DPYD: variants seen among roughly 807,000 people sequenced by gnomAD.
DPYD encodes the protein dihydropyrimidine dehydrogenase [NADP(+)].
A neutral mutation model predicts 116.2 loss-of-function variants in DPYD; 109 were observed. The ratio of observed to expected loss-of-function variants is 0.94; its 90% CI spans 0.80 to 1.10. DPYD has a LOEUF of 1.10. DPYD is among the 50% of genes least tolerant of loss of function. The pLI, the probability that DPYD is intolerant of heterozygous loss-of-function variation, is 0.00. For synonymous variants in DPYD, 440 were observed against 432.0 expected, an observed-to-expected ratio of 1.02 and a Z score of -0.23; for missense variants, 1,302 against 1,254.5, an observed-to-expected ratio of 1.04 and a Z score of -0.57.
chr1:97,173,175 T>C (rs1410370727), intron 20 of DPYD, among the ~76,000 whole-genome samples: 1 of 151,262 alleles, frequency 6.6e-6, no homozygotes, highest in African/African-American at 2.4e-5. Context: ...TATGTACACA[T>C]GTATACATAT....
chr1:97,838,585 C>G (rs1669885780), intron 2 of DPYD, among the ~76,000 whole-genome samples: 1 of 152,150 alleles, frequency 6.6e-6, no homozygotes, highest in Non-Finnish European at 1.5e-5. Flanking sequence ...GTGGCTCACG[C>G]CTGTAATCCC....
At chr1:97,432,656 A>AT (rs1557707899) in intron 14 of DPYD, among the ~76,000 whole-genome samples, 2 of 151,816 alleles carry the variant, frequency 1.3e-5, no homozygotes, top group African/African-American at 2.4e-5. Flanking sequence ...ATGTCTTATA[A>AT]TTTTTTATTG....
At chr1:97,361,631 C>G (rs1379641561) in intron 16 of DPYD, among the ~76,000 whole-genome samples, 2 of 152,168 alleles carry the variant, frequency 1.3e-5, no homozygotes, top group Admixed American at 1.3e-4. Flanking sequence ...TCATCCCTGG[C>G]ATGCCAGCCT....
intron 2 of DPYD, among the ~76,000 whole-genome samples, chr1:97,839,038 C>T (rs964699818): frequency 2.9e-4 from 44 of 152,094 alleles, no homozygotes; most frequent in Non-Finnish European, 5.3e-4. Flanking sequence ...AGCCTTAAAT[C>T]AGACTTCCTT....
chr1:97,576,924 G>A (rs980389365), intron 10 of DPYD, among the ~76,000 whole-genome samples: 1 of 152,056 alleles, frequency 6.6e-6, no homozygotes, highest in Non-Finnish European at 1.5e-5. Flanking sequence ...TATTTAGCTC[G>A]ATAGCTAGAT....
chr1:97,917,807 A>G (rs1674293390), intron 1 of DPYD, among the ~76,000 whole-genome samples: 2 of 152,222 alleles, frequency 1.3e-5, no homozygotes, highest in South Asian at 2.1e-4. Flanking sequence ...TTAGATATAT[A>G]TACTTTCAAA....
chr1:97,393,460 C>T (rs7536770), intron 14 of DPYD, among the ~76,000 whole-genome samples: 6,519 of 151,396 alleles, frequency 0.043, 241 homozygotes, highest in East Asian at 0.17. Flanking sequence ...CACCCCACAA[C>T]AGGCCCCGGT....
chr1:97,860,168 C>A (rs931273108), intron 2 of DPYD, among the ~76,000 whole-genome samples: 1 of 151,930 alleles, frequency 6.6e-6, no homozygotes, highest in Non-Finnish European at 1.5e-5. Context: ...CATAACGAAA[C>A]CCTGTCTCTA....
At chr1:97,539,257 A>T (rs997619519) in intron 12 of DPYD, among the ~76,000 whole-genome samples, 31 of 151,792 alleles carry the variant, frequency 2.0e-4, no homozygotes, top group African/African-American at 7.0e-4. Context: ...ATGTACTCAA[A>T]TTTTTTTTAA....
chr1:97,769,501 C>T (rs997456501), intron 3 of DPYD, among the ~76,000 whole-genome samples: 2 of 151,490 alleles, frequency 1.3e-5, no homozygotes, highest in Admixed American at 6.6e-5. Flanking sequence ...GGTTAAAACA[C>T]TCTGTTTTTT....
intron 13 of DPYD, among the ~76,000 whole-genome samples, chr1:97,512,102 C>CA (rs1386918858): frequency 1.3e-5 from 2 of 151,652 alleles, no homozygotes; most frequent in Admixed American, 6.6e-5. Context: ...ATGCTCTTGC[C>CA]AAAAAAATCT....
intron 3 of DPYD, among the ~76,000 whole-genome samples, chr1:97,741,227 A>G (rs1255076585): frequency 6.6e-6 from 1 of 152,152 alleles, no homozygotes; most frequent in African/African-American, 2.4e-5. Context: ...GTCTGCAAGG[A>G]GCCATTGAAG....
intron 19 of DPYD, among the ~76,000 whole-genome samples, chr1:97,218,697 A>C (rs1660580014): frequency 6.6e-6 from 1 of 152,068 alleles, no homozygotes; most frequent in Admixed American, 6.6e-5. Context: ...AATCAGAAGT[A>C]CATCAACACA....
chr1:97,469,156 G>A (rs1447439191), intron 13 of DPYD, among the ~76,000 whole-genome samples: 1 of 151,870 alleles, frequency 6.6e-6, no homozygotes, highest in African/African-American at 2.4e-5. Flanking sequence ...AGCTCATTAG[G>A]AACAAATATA....
At chr1:97,370,607 A>G (rs1390143666) in intron 16 of DPYD, among the ~76,000 whole-genome samples, 1 of 152,154 alleles carries the variant, frequency 6.6e-6, no homozygotes, top group African/African-American at 2.4e-5. Flanking sequence ...GAGCAACACA[A>G]TATGCACTTG....
intron 3 of DPYD, among the ~76,000 whole-genome samples, chr1:97,765,069 C>T (rs905475364): frequency 7.2e-5 from 11 of 152,084 alleles, no homozygotes; most frequent in African/African-American, 2.7e-4. Flanking sequence ...AATGGTATTG[C>T]CCATTTCCTA....
chr1:97,627,524 G>C (rs1384631350), intron 8 of DPYD, among the ~76,000 whole-genome samples: 2 of 151,830 alleles, frequency 1.3e-5, no homozygotes, highest in African/African-American at 4.8e-5. Context: ...AATTCCCCAG[G>C]TTTTCTAAGA....
chr1:97,346,789 C>T (rs1170636387), intron 16 of DPYD, among the ~76,000 whole-genome samples: 2 of 151,792 alleles, frequency 1.3e-5, no homozygotes, highest in South Asian at 2.1e-4. Context: ...CTGTGTTCTG[C>T]GAGTTTGCTC....
intron 14 of DPYD, among the ~76,000 whole-genome samples, chr1:97,427,897 G>T (rs1008208453): frequency 1.3e-4 from 20 of 152,176 alleles, no homozygotes; most frequent in African/African-American, 4.8e-4. Flanking sequence ...ATAGAAAATA[G>T]TATGTATTCA....
Sources: gnomAD v4.1 joint callset for allele counts (sites outside exome capture counted in the v4.1 genomes callset) on GRCh38, gnomAD v4.1.1 for gene constraint, MANE v1.5 for transcripts, NCBI Gene and HGNC (gene_info 2026-07-23, HGNC 2026-07-21) for gene names.